EIF2AK4: variants seen among roughly 807,000 people sequenced by gnomAD.
EIF2AK4 encodes the protein eIF-2-alpha kinase GCN2.
Under a neutral mutation model 211.1 loss-of-function variants are expected in EIF2AK4, and 139 were observed. The ratio of observed to expected loss-of-function variants is 0.66; its 90% CI spans 0.57 to 0.76. EIF2AK4 has a LOEUF of 0.76. EIF2AK4 is among the 30% of genes least tolerant of loss of function. The pLI is 0.00. For synonymous variants in EIF2AK4, 710 were observed against 751.3 expected (o/e 0.94, Z 0.90); for missense variants, 1,664 against 2,043.8 (o/e 0.81, Z 3.58).
chr15:39,939,899 ATAAGT>A (rs1404196731), intron 2 of EIF2AK4, among the ~76,000 whole-genome samples: 2 of 136,256 alleles, frequency 1.5e-5, no homozygotes, highest in Admixed American at 7.6e-5. Flanking sequence ...TTATTTCTTC[ATAAGT>A]TAGGAAGAGG....
At chr15:39,988,601 G>A (rs1159217673) in intron 15 of EIF2AK4, among the ~76,000 whole-genome samples, 2 of 152,160 alleles carry the variant, frequency 1.3e-5, no homozygotes, top group African/African-American at 2.4e-5. Context: ...GGACTGTAAA[G>A]CCTAAAGTAT....
At chr15:40,012,297 C>T (rs1463175060) in intron 27 of EIF2AK4, among the ~76,000 whole-genome samples, 2 of 152,146 alleles carry the variant, frequency 1.3e-5, no homozygotes, top group Non-Finnish European at 2.9e-5. Flanking sequence ...CTCTGTAAAA[C>T]AGCTTTCAGA....
At chr15:40,010,270 A>C (rs2035217667) in intron 26 of EIF2AK4, among the ~76,000 whole-genome samples, 1 of 152,204 alleles carries the variant, frequency 6.6e-6, no homozygotes, top group Non-Finnish European at 1.5e-5. Flanking sequence ...CTTGCCCTTG[A>C]TTCTTCCAGT....
At chr15:40,001,554 T>C (rs557326476) in intron 21 of EIF2AK4, among the ~76,000 whole-genome samples, 1 of 137,622 alleles carries the variant, frequency 7.3e-6, no homozygotes, top group East Asian at 2.1e-4. Context: ...CGCTTGAGCC[T>C]GGGAGGCAGG....
chr15:39,948,681 AG>A (rs2034262846), intron 3 of EIF2AK4, among the ~76,000 whole-genome samples: 1 of 152,200 alleles, frequency 6.6e-6, no homozygotes, highest in African/African-American at 2.4e-5. Context: ...AGACAGAAAA[AG>A]CTCTGATCTT....
At chr15:40,031,126 G>T (rs1049196705) in intron 35 of EIF2AK4, among the ~76,000 whole-genome samples, 3 of 152,162 alleles carry the variant, frequency 2.0e-5, no homozygotes, top group African/African-American at 7.2e-5. Flanking sequence ...TGTAATCCCA[G>T]CCACTCGGGA....
chr15:40,007,136 A>C (rs1448925895), intron 24 of EIF2AK4, 71 bp downstream of exon 24: 1 of 1,322,756 alleles, frequency 7.6e-7, no homozygotes, highest in African/African-American at 1.5e-5. Flanking sequence ...ACCAGGAAAG[A>C]ATATTTTATT....
chr15:39,967,655 C>T lies in EIF2AK4; in HGVS notation c.1329C>T (p.Asp443=), dbSNP rs368148748. Residue 443 remains aspartate (D), a synonymous_variant, in exon 9 of 39, where the codon GAC becomes GAT. Transcript: ENST00000263791. ...CAGAAGGCACCGTCAAGATTACGGACTATAGCATTTCTAAGCGCCTCGCAG... is the reference window on the plus strand; with the variant it reads ...CAGAAGGCACCGTCAAGATTACGGATTATAGCATTTCTAAGCGCCTCGCAG... ...VDAEGTVKIT[D]YSISKRLADI... 4.5e-5 allele frequency: 72 copies of T among 1,614,040 alleles called. No individual in the cohort carries two copies. Among genetic ancestry groups the T allele is most frequent in the Non-Finnish European group, 6.0e-5 (71 of 1,180,032 alleles).
intron 14 of EIF2AK4, 107 bp downstream of exon 14, chr15:39,985,995 C>T (rs2034860012): frequency 4.6e-6 from 4 of 873,728 alleles, no homozygotes; most frequent in Non-Finnish European, 7.0e-6. Flanking sequence ...GGCTTATTGC[C>T]ACTACCAAAG....
intron 34 of EIF2AK4, 119 bp downstream of exon 34, chr15:40,029,583 A>G (rs1392724778): frequency 9.4e-6 from 10 of 1,059,216 alleles, no homozygotes; most frequent in Admixed American, 5.1e-5. Flanking sequence ...CATATACGCA[A>G]TAAATTGTAC....
intron 36 of EIF2AK4, 23 bp downstream of exon 36, chr15:40,032,260 T>C (rs529764008): frequency 1.9e-6 from 3 of 1,608,078 alleles, no homozygotes; most frequent in African/African-American, 1.3e-5. Context: ...CTTTAGTATT[T>C]TGAAGGTGGC....
chr15:39,982,066 A>G (rs1344118738), intron 13 of EIF2AK4, among the ~76,000 whole-genome samples: 1 of 151,962 alleles, frequency 6.6e-6, no homozygotes, highest in Non-Finnish European at 1.5e-5. Context: ...CTGGGACTAC[A>G]GGTGCCCACC....
rs1015315516 is a variant in EIF2AK4, at chr15:39,976,479, G to A, written c.1884G>A (p.Arg628=). The A allele has an allele frequency of 1.2e-6, 2 of 1,611,404 alleles. No homozygotes were observed. Among genetic ancestry groups the A allele is most frequent in the African/African-American group, 2.7e-5 (2 of 74,538 alleles). The stretch of plus-strand genomic sequence containing the variant: ...GCATCCCCATCAACCCGGCCAGCCG[G>A]CAGTTCCGCAGGATCAAGGGCGAAG... The part of the protein sequence containing the change: ...VKRIPINPAS[R]QFRRIKGEVT... Residue 628 remains arginine, a synonymous_variant, in exon 12 of 39, where the codon CGG becomes CGA. Coordinates refer to ENST00000263791, the MANE Select transcript of EIF2AK4 (RefSeq NM_001013703.4).
At chr15:39,982,309 A>G (rs2034802242) in intron 13 of EIF2AK4, among the ~76,000 whole-genome samples, 1 of 152,216 alleles carries the variant, frequency 6.6e-6, no homozygotes. Context: ...ATGGAATTCC[A>G]GTAAAACTGA....
At chr15:40,034,268 A>G (rs2035583520) in intron 37 of EIF2AK4, 58 bp from the exon 38 acceptor site, 1 of 1,403,096 alleles carries the variant, frequency 7.1e-7, no homozygotes, top group African/African-American at 1.4e-5. Flanking sequence ...TGACCCAGAA[A>G]AAACCAGCTA....
In EIF2AK4 at chr15:39,967,537, G is replaced by A. The variant is rs2034561156; in HGVS notation, c.1211G>A (p.Arg404Lys). 6.2e-7 allele frequency: 1 copy of A among 1,613,960 alleles called. No individual in the cohort carries two copies. Among genetic ancestry groups the A allele is most frequent in the Non-Finnish European group, 8.5e-7 (1 of 1,179,944 alleles). ...SGPIPVHQLR[R>K]YTAQLLSGLD... Reference sequence around the variant, plus strand: ...CCCATCCCTGTGCATCAGCTTCGCAGGTACACAGCTCAGCTCCTGTCAGGC... The same window carrying A: ...CCCATCCCTGTGCATCAGCTTCGCAAGTACACAGCTCAGCTCCTGTCAGGC... The change falls in exon 9 of 39, where the codon AGG becomes AAG. Residue 404 changes from arginine to lysine, a missense_variant. Around this residue, in one of 7 missense-constraint regions of EIF2AK4, gnomAD observed 641 missense variants for 729.6 expected, o/e 0.88. Transcript: ENST00000263791.
Position 39,987,966 on chromosome 15 carries a change from G to A in EIF2AK4, c.2404-17G>A. On this transcript the variant is annotated splice_polypyrimidine_tract_variant and intron_variant, in intron 14 of 38. Transcript: ENST00000263791. The stretch of plus-strand genomic sequence containing the variant: ...AACTGTTGTGTAATCAAATTCTCCT[G>A]GTTTGTCTGTATATAGATGGAGTAC... 1 of 1,611,760 alleles carries A rather than the reference G, an allele frequency of 6.2e-7. No individual in the cohort carries two copies.
At chr15:39,959,281 C>T (rs1566985905) in intron 6 of EIF2AK4, among the ~76,000 whole-genome samples, 1 of 152,182 alleles carries the variant, frequency 6.6e-6, no homozygotes, top group Non-Finnish European at 1.5e-5. Flanking sequence ...TTGTTCCAAG[C>T]CCAGTTCTTG....
At chr15:39,936,675 C>T (rs989059851) in intron 1 of EIF2AK4, among the ~76,000 whole-genome samples, 12 of 152,166 alleles carry the variant, frequency 7.9e-5, no homozygotes, top group African/African-American at 2.7e-4. Flanking sequence ...TCCCAAAGTC[C>T]TGGGATTACA....
Sources: gnomAD v4.1 joint callset for allele counts (sites outside exome capture counted in the v4.1 genomes callset) on GRCh38, gnomAD v4.1.1 for gene constraint, gnomAD v4.1.1 regional missense constraint, MANE v1.5 for transcripts, NCBI Gene and HGNC (gene_info 2026-07-23, HGNC 2026-07-21) for gene names.